SLC10A7: variants seen among roughly 807,000 people sequenced by gnomAD.
SLC10A7 encodes the protein sodium/bile acid cotransporter 7.
In SLC10A7, 29 loss-of-function variants were observed where a neutral mutation model predicts 43.2. The observed-to-expected ratio is 0.67, with a 90% CI of 0.50 to 0.92. The LOEUF (loss-of-function observed/expected upper bound fraction) is 0.92. Ranked by LOEUF, SLC10A7 falls within the 40% of genes least tolerant of loss-of-function variation. SLC10A7 has a pLI of 0.00. For missense variants in SLC10A7, 295 were observed against 403.2 expected, an observed-to-expected ratio of 0.73 and a Z score of 2.30; for synonymous variants, 152 against 144.8, an observed-to-expected ratio of 1.05 and a Z score of -0.35.
rs1738716942 is a variant in SLC10A7, at chr4:146,521,808, TC to T, written c.-92del. 3.8e-6 allele frequency: 4 copies of T among 1,047,096 alleles called. No individual in the cohort carries two copies. The highest frequency in any genetic ancestry group is 2.1e-4 in the Middle Eastern group (1 of 4,794). The allele number at this position is 1,047,096 out of a possible 1,614,324, so 64.9% of individuals were successfully genotyped here. On this transcript the variant is annotated 5_prime_UTR_variant, in exon 1 of 12. The change creates a premature stop within an existing upstream ORF in the 5' untranslated region. Transcript: ENST00000335472. ...TAATCCTTGGAGCGTCTCCACACTTTCCTTGGTCCCTCCAGACATGCAGCAG... is the reference window on the plus strand; with the variant it reads ...TAATCCTTGGAGCGTCTCCACACTTTCTTGGTCCCTCCAGACATGCAGCAG...
intron 4 of SLC10A7, among the ~76,000 whole-genome samples, chr4:146,451,199 C>T (rs1448303158): frequency 1.6e-5 from 2 of 121,358 alleles, no homozygotes; most frequent in South Asian, 2.8e-4. Flanking sequence ...AGACCAACAG[C>T]GAGTAACAAG....
intron 4 of SLC10A7, among the ~76,000 whole-genome samples, chr4:146,494,588 G>A (rs1280613804): frequency 6.6e-6 from 1 of 152,186 alleles, no homozygotes; most frequent in South Asian, 2.1e-4. Flanking sequence ...GATGAGAGGC[G>A]TGGAAAGAAA....
intron 5 of SLC10A7, among the ~76,000 whole-genome samples, chr4:146,396,842 T>C (rs1240778890): frequency 6.9e-6 from 1 of 145,832 alleles, no homozygotes; most frequent in African/African-American, 2.5e-5. Context: ...CCTTTAGAAA[T>C]TCAGTACAAT....
At chr4:146,445,472 G>A (rs1364945030) in intron 4 of SLC10A7, among the ~76,000 whole-genome samples, 1 of 152,168 alleles carries the variant, frequency 6.6e-6, no homozygotes, top group African/African-American at 2.4e-5. Context: ...ACAATGCTCC[G>A]TTAGCTCTGC....
At chr4:146,412,177 A>G (rs1009486753) in intron 5 of SLC10A7, among the ~76,000 whole-genome samples, 31 of 152,180 alleles carry the variant, frequency 2.0e-4, no homozygotes, top group African/African-American at 7.5e-4. Flanking sequence ...ACGTGATAGA[A>G]TATAATTGCT....
intron 4 of SLC10A7, among the ~76,000 whole-genome samples, chr4:146,455,403 A>C (rs1731958776): frequency 1.3e-5 from 2 of 151,848 alleles, no homozygotes; most frequent in Non-Finnish European, 2.9e-5. Context: ...TTCCCCTAAC[A>C]CTTTGTTTAG....
intron 3 of SLC10A7, among the ~76,000 whole-genome samples, chr4:146,506,749 T>G (rs543267166): frequency 3.6e-4 from 55 of 152,118 alleles, no homozygotes; most frequent in East Asian, 7.7e-4. Context: ...TGTTTGTTTG[T>G]TTGGTTTTTT....
chr4:146,430,666 A>G (rs1271662990), intron 5 of SLC10A7, among the ~76,000 whole-genome samples: 3 of 152,194 alleles, frequency 2.0e-5, no homozygotes, highest in Non-Finnish European at 4.4e-5. Flanking sequence ...CTACTCAGGA[A>G]AAGTAAACAA....
intron 5 of SLC10A7, among the ~76,000 whole-genome samples, chr4:146,364,657 G>A (rs1736272671): frequency 1.3e-5 from 2 of 152,098 alleles, no homozygotes; most frequent in South Asian, 4.1e-4. Flanking sequence ...AGAGGGATTG[G>A]TTAACAGGTG....
At chr4:146,265,332 A>G (rs1728486415) in intron 10 of SLC10A7, among the ~76,000 whole-genome samples, 1 of 152,246 alleles carries the variant, frequency 6.6e-6, no homozygotes, top group South Asian at 2.1e-4. Context: ...CCAAAGTTTC[A>G]CTTGCCAATT....
chr4:146,337,085 A>G (rs1408140510), intron 5 of SLC10A7, among the ~76,000 whole-genome samples: 2 of 152,042 alleles, frequency 1.3e-5, no homozygotes, highest in Non-Finnish European at 1.5e-5. Context: ...AGATGTGGGA[A>G]CTTTCTATCA....
chr4:146,285,865 A>G (rs998973959), intron 9 of SLC10A7, among the ~76,000 whole-genome samples: 5 of 151,140 alleles, frequency 3.3e-5, no homozygotes, highest in African/African-American at 1.2e-4. Flanking sequence ...GGTGAGAAGG[A>G]CTGAACTTGG....
chr4:146,320,966 A>G (rs1295058415), intron 6 of SLC10A7, among the ~76,000 whole-genome samples: 1 of 152,094 alleles, frequency 6.6e-6, no homozygotes, highest in Non-Finnish European at 1.5e-5. Context: ...GATTGGAGCA[A>G]GAAAGTGAAG....
chr4:146,324,235 A>G (rs1396239029), intron 6 of SLC10A7, among the ~76,000 whole-genome samples: 1 of 152,198 alleles, frequency 6.6e-6, no homozygotes, highest in African/African-American at 2.4e-5. Flanking sequence ...TATCGTGAAA[A>G]TGGCCATATT....
At chr4:146,464,353 C>A (rs769451767) in intron 4 of SLC10A7, among the ~76,000 whole-genome samples, 1 of 152,094 alleles carries the variant, frequency 6.6e-6, no homozygotes, top group African/African-American at 2.4e-5. Context: ...AAAAGATACA[C>A]ATAAAAACAT....
intron 10 of SLC10A7, among the ~76,000 whole-genome samples, chr4:146,268,934 T>C (rs1482829125): frequency 2.0e-5 from 3 of 152,162 alleles, no homozygotes; most frequent in Non-Finnish European, 4.4e-5. Context: ...AAATAACCGT[T>C]ACACAGAAAA....
At chr4:146,291,492 G>A (rs1168428686) in intron 9 of SLC10A7, among the ~76,000 whole-genome samples, 1 of 152,098 alleles carries the variant, frequency 6.6e-6, no homozygotes, top group Non-Finnish European at 1.5e-5. Context: ...GCTTTTTCAA[G>A]CCTTATAAAC....
intron 5 of SLC10A7, among the ~76,000 whole-genome samples, chr4:146,419,979 G>A (rs73852845): frequency 0.029 from 4,410 of 151,944 alleles, 213 homozygotes; most frequent in African/African-American, 0.1. Flanking sequence ...GAATACTAAC[G>A]AACATAATAA....
chr4:146,332,105 C>T (rs1560806158), intron 5 of SLC10A7, among the ~76,000 whole-genome samples: 1 of 152,136 alleles, frequency 6.6e-6, no homozygotes, highest in Non-Finnish European at 1.5e-5. Context: ...TCTTTCCTCT[C>T]CTCTGACTAT....
Sources: gnomAD v4.1 joint callset for allele counts (sites outside exome capture counted in the v4.1 genomes callset) on GRCh38, gnomAD v4.1.1 for gene constraint, MANE v1.5 for transcripts, NCBI Gene and HGNC (gene_info 2026-07-23, HGNC 2026-07-21) for gene names.